PTPRT: variants seen among roughly 807,000 people sequenced by gnomAD.
PTPRT encodes protein tyrosine phosphatase receptor type T.
In PTPRT, 56 loss-of-function variants were observed where a neutral mutation model predicts 176.8. The observed-to-expected ratio is 0.32, with a 90% CI of 0.26 to 0.40. The LOEUF is 0.40. Among genes scored for constraint, PTPRT ranks in the 10% least tolerant of loss-of-function variants. The pLI is 1.00. For missense variants in PTPRT, 1,540 were observed against 1,908.2 expected (o/e 0.81, Z 3.60); for synonymous variants, 783 against 739.0 (o/e 1.06, Z -0.96).
At chr20:42,102,853 C>T (rs1041748562) in intron 25 of PTPRT, among the ~76,000 whole-genome samples, 3 of 152,288 alleles carry the variant, frequency 2.0e-5, no homozygotes, top group Admixed American at 6.5e-5. Context: ...TGGACTTTGC[C>T]GAGTACATCT....
intron 1 of PTPRT, among the ~76,000 whole-genome samples, chr20:43,162,254 G>A (rs2014718860): frequency 6.6e-6 from 1 of 152,136 alleles, no homozygotes; most frequent in Admixed American, 6.5e-5. Context: ...TAACAGCAAT[G>A]GCAGTAACAA....
intron 17 of PTPRT, among the ~76,000 whole-genome samples, chr20:42,154,605 TG>T (rs1989270682): frequency 6.6e-6 from 1 of 152,240 alleles, no homozygotes; most frequent in South Asian, 2.1e-4. Flanking sequence ...GTTGCCCTAC[TG>T]GGCTGGTTCC....
In PTPRT at chr20:42,946,244, C is replaced by G. The variant is rs1043424529; in HGVS notation, c.89-60312G>C. On this transcript the variant is annotated intron_variant, in intron 1 of 30. Coordinates refer to ENST00000373187, the MANE Select transcript of PTPRT (RefSeq NM_007050.6). Reference sequence around the variant, plus strand: ...ACAGGTGGGCAATCCCTGGGGGGAACTTGCCCCCAAACAATGAATCACCCT... The same window carrying G: ...ACAGGTGGGCAATCCCTGGGGGGAAGTTGCCCCCAAACAATGAATCACCCT... Among the ~76,000 whole-genome samples the G allele has an allele frequency of 3.3e-5, 5 of 152,310 alleles. No individual in the cohort carries two copies. In the East Asian group the frequency reaches 5.8e-4, roughly 18 times the overall value.
chr20:42,464,974 A>C (rs553794425), intron 8 of PTPRT, among the ~76,000 whole-genome samples: 1 of 152,240 alleles, frequency 6.6e-6, no homozygotes, highest in Admixed American at 6.5e-5. Context: ...ATTCAAGTAC[A>C]TGAGTTTTTT....
intron 2 of PTPRT, among the ~76,000 whole-genome samples, chr20:42,855,554 C>T (rs1166581197): frequency 6.6e-6 from 1 of 150,758 alleles, no homozygotes; most frequent in Non-Finnish European, 1.5e-5. Context: ...GCCTCAGCCT[C>T]CCAAGTAGCT....
chr20:42,704,613 G>C (rs1227137950), intron 6 of PTPRT, among the ~76,000 whole-genome samples: 1 of 151,964 alleles, frequency 6.6e-6, no homozygotes, highest in African/African-American at 2.4e-5. Flanking sequence ...CCTCTTCTCT[G>C]ATCCTCTGAC....
At chr20:42,918,962 TG>T (rs1440051049) in intron 1 of PTPRT, among the ~76,000 whole-genome samples, 1 of 152,158 alleles carries the variant, frequency 6.6e-6, no homozygotes, top group Non-Finnish European at 1.5e-5. Flanking sequence ...GCACCACCTA[TG>T]CAACTCACTA....
chr20:42,610,670 G>T (rs749347402), intron 7 of PTPRT, among the ~76,000 whole-genome samples: 3 of 152,062 alleles, frequency 2.0e-5, no homozygotes, highest in Non-Finnish European at 4.4e-5. Flanking sequence ...TGTTGTTGTT[G>T]TGGGGGATAA....
At chr20:42,850,370 C>T (rs1300684718) in intron 2 of PTPRT, among the ~76,000 whole-genome samples, 2 of 152,200 alleles carry the variant, frequency 1.3e-5, no homozygotes, top group African/African-American at 2.4e-5. Context: ...CAATTACTAA[C>T]TCTGTCATTT....
intron 7 of PTPRT, among the ~76,000 whole-genome samples, chr20:42,658,176 C>T (rs969138688): frequency 2.6e-5 from 4 of 152,148 alleles, no homozygotes; most frequent in African/African-American, 9.7e-5. Context: ...TGAGCCTCTG[C>T]TCACAATGCT....
intron 7 of PTPRT, among the ~76,000 whole-genome samples, chr20:42,634,560 C>G (rs2074551898): frequency 6.6e-6 from 1 of 151,848 alleles, no homozygotes; most frequent in East Asian, 1.9e-4. Context: ...ATTATAGTGA[C>G]AAGTAGAGGA....
chr20:42,881,384 G>A (rs1383586916), intron 2 of PTPRT, among the ~76,000 whole-genome samples: 2 of 152,196 alleles, frequency 1.3e-5, no homozygotes, highest in Admixed American at 6.5e-5. Flanking sequence ...TAGACAGACG[G>A]ATAAGGGAAG....
chr20:43,100,339 T>C (rs2012346375), intron 1 of PTPRT, among the ~76,000 whole-genome samples: 1 of 152,014 alleles, frequency 6.6e-6, no homozygotes, highest in Non-Finnish European at 1.5e-5. Flanking sequence ...ATCGCGCCAC[T>C]ACACTCCAGC....
intron 1 of PTPRT, among the ~76,000 whole-genome samples, chr20:43,018,524 T>C (rs750611879): frequency 1.1e-4 from 16 of 150,870 alleles, no homozygotes; most frequent in Non-Finnish European, 1.6e-4. Context: ...AAATTGAGAG[T>C]TTTCGAATTG....
intron 1 of PTPRT, among the ~76,000 whole-genome samples, chr20:43,047,943 T>C (rs1986900305): frequency 6.6e-6 from 1 of 152,128 alleles, no homozygotes; most frequent in Admixed American, 6.5e-5. Flanking sequence ...CATGACACAC[T>C]GCAGCCTTGT....
intron 7 of PTPRT, among the ~76,000 whole-genome samples, chr20:42,673,726 C>T (rs1239054671): frequency 2.0e-5 from 3 of 152,096 alleles, no homozygotes; most frequent in African/African-American, 4.8e-5. Flanking sequence ...TGCCCCACCT[C>T]CTAATATCAT....
chr20:42,966,274 T>G (rs1280182738), intron 1 of PTPRT: 1 of 152,240 alleles, frequency 6.6e-6, no homozygotes, highest in African/African-American at 2.4e-5. Context: ...TATTATACCA[T>G]TTTTATTTTA....
chr20:42,966,752 A>G (rs1982317196), intron 1 of PTPRT, among the ~76,000 whole-genome samples: 1 of 152,232 alleles, frequency 6.6e-6, no homozygotes, highest in Non-Finnish European at 1.5e-5. Context: ...AAAATAGAGC[A>G]AGGCTGTAGT....
intron 9 of PTPRT, among the ~76,000 whole-genome samples, chr20:42,418,771 T>C (rs553682386): frequency 6.6e-6 from 1 of 152,272 alleles, no homozygotes; most frequent in South Asian, 2.1e-4. Context: ...GGGAAATCCC[T>C]GCTGCAGCAC....
Sources: allele counts gnomAD v4.1 joint callset (sites outside exome capture counted in the v4.1 genomes callset), GRCh38; gene constraint gnomAD v4.1.1; transcripts MANE v1.5; gene names NCBI Gene and HGNC (gene_info 2026-07-23, HGNC 2026-07-21).